The following LEKR1 variants were observed in gnomAD, a reference collection of about 807,000 sequenced individuals.
LEKR1 encodes the protein leucine, glutamate and lysine rich 1, also known as protein LEKR1.
A neutral mutation model predicts 72.4 loss-of-function variants in LEKR1; 59 were observed. The ratio of observed to expected loss-of-function variants is 0.82; its 90% CI spans 0.66 to 1.01. The LOEUF is 1.01. LEKR1 is among the 50% of genes least tolerant of loss of function. LEKR1 has a pLI of 0.00. For missense variants in LEKR1, 728 were observed against 759.2 expected (o/e 0.96, Z 0.48); for synonymous variants, 257 against 263.2 (o/e 0.98, Z 0.23).
rs1729960700 is a variant in LEKR1 at position 156,979,179 on chromosome 3, A to G, written c.746-15A>G. ...AAAATGTACTAATCAGATGAAATAC[A>G]TTGTGTCATTTCAGATTTACAATGT... On this transcript the variant is annotated splice_polypyrimidine_tract_variant and intron_variant, in intron 6 of 12. Coordinates refer to ENST00000356539, the MANE Select transcript of LEKR1 (RefSeq NM_001004316.3). The G allele has an allele frequency of 3.7e-5, 43 of 1,173,898 alleles. No homozygotes were observed. The highest frequency in any genetic ancestry group is 4.9e-5 in the Non-Finnish European group (43 of 881,760). The allele number at this position is 1,173,898 out of a possible 1,614,324, so 72.7% of individuals were successfully genotyped here.
chr3:156,856,288 G>A (rs1026438665), intron 3 of LEKR1, among the ~76,000 whole-genome samples: 1 of 151,998 alleles, frequency 6.6e-6, no homozygotes, highest in Admixed American at 6.6e-5. Flanking sequence ...ATTTCTGGAC[G>A]GTCTGTTTTG....
At chr3:156,912,336 GA>G (rs1276745831) in intron 3 of LEKR1, among the ~76,000 whole-genome samples, 1 of 152,098 alleles carries the variant, frequency 6.6e-6, no homozygotes, top group Non-Finnish European at 1.5e-5. Context: ...TAGCCACTGG[GA>G]TAATATTCCA....
At chr3:156,934,627 A>G (rs1387040310) in intron 5 of LEKR1, among the ~76,000 whole-genome samples, 1 of 152,188 alleles carries the variant, frequency 6.6e-6, no homozygotes, top group African/African-American at 2.4e-5. Flanking sequence ...CCCAAATTCA[A>G]AAGGCTTTAA....
chr3:156,953,663 C>A (rs1198734879), intron 6 of LEKR1, among the ~76,000 whole-genome samples: 1 of 151,932 alleles, frequency 6.6e-6, no homozygotes, highest in Non-Finnish European at 1.5e-5. Flanking sequence ...ATAACAGCTT[C>A]CAGATCCATC....
At chr3:156,886,795 C>T (rs1167664134) in intron 3 of LEKR1, among the ~76,000 whole-genome samples, 1 of 152,220 alleles carries the variant, frequency 6.6e-6, no homozygotes, top group Non-Finnish European at 1.5e-5. Context: ...ACCTGTTTTG[C>T]AGTTTGTCGC....
chr3:157,023,491 TC>T (rs1733978493), intron 10 of LEKR1, among the ~76,000 whole-genome samples: 2 of 152,156 alleles, frequency 1.3e-5, no homozygotes, highest in Admixed American at 1.3e-4. Context: ...CACCCAGCAG[TC>T]AGTCATTTAG....
At chr3:156,877,929 T>A (rs1383107939) in intron 3 of LEKR1, among the ~76,000 whole-genome samples, 1 of 151,984 alleles carries the variant, frequency 6.6e-6, no homozygotes, top group South Asian at 2.1e-4. Context: ...ATTCCAGGTG[T>A]GCACCACCAC....
chr3:157,037,874 A>G (rs967718759), intron 12 of LEKR1, among the ~76,000 whole-genome samples: 1 of 152,168 alleles, frequency 6.6e-6, no homozygotes, highest in African/African-American at 2.4e-5. Flanking sequence ...AAGGTAATAG[A>G]AAGACTCTGC....
intron 9 of LEKR1, among the ~76,000 whole-genome samples, chr3:156,995,608 G>A (rs1731499483): frequency 6.6e-6 from 1 of 152,184 alleles, no homozygotes; most frequent in South Asian, 2.1e-4. Flanking sequence ...AAGGCAGGCA[G>A]ATCACTTGAG....
intron 7 of LEKR1, among the ~76,000 whole-genome samples, chr3:156,980,205 A>G (rs911715387): frequency 1.3e-5 from 2 of 152,198 alleles, no homozygotes; most frequent in South Asian, 2.1e-4. Context: ...TCATAAAAAC[A>G]TAAATATTTA....
intron 11 of LEKR1, among the ~76,000 whole-genome samples, chr3:157,027,559 T>A (rs1263858937): frequency 6.6e-6 from 1 of 152,100 alleles, no homozygotes; most frequent in Non-Finnish European, 1.5e-5. Flanking sequence ...CTCACAGCTG[T>A]AATCCCAGCA....
chr3:156,879,555 A>G (rs1719035939), intron 3 of LEKR1, among the ~76,000 whole-genome samples: 1 of 152,262 alleles, frequency 6.6e-6, no homozygotes. Context: ...GGAGAAATTC[A>G]AGCCAGCTAC....
chr3:156,878,479 G>T (rs533664960), intron 3 of LEKR1, among the ~76,000 whole-genome samples: 8 of 152,090 alleles, frequency 5.3e-5, no homozygotes, highest in Non-Finnish European at 1.2e-4. Context: ...TTCCACTGTG[G>T]CCTGAGAGGA....
chr3:156,892,166 G>A (rs1230886989), intron 3 of LEKR1, among the ~76,000 whole-genome samples: 4 of 152,276 alleles, frequency 2.6e-5, no homozygotes, highest in African/African-American at 9.6e-5. Context: ...AAGAAAGGCA[G>A]GTGGGTAGGA....
intron 12 of LEKR1, among the ~76,000 whole-genome samples, chr3:157,033,916 T>C (rs953539521): frequency 5.9e-5 from 9 of 152,162 alleles, no homozygotes; most frequent in Non-Finnish European, 1.2e-4. Context: ...CCAAAAATCC[T>C]AACACCCTTA....
At chr3:157,022,170 G>A (rs1314209073) in intron 10 of LEKR1, among the ~76,000 whole-genome samples, 3 of 152,180 alleles carry the variant, frequency 2.0e-5, no homozygotes, top group Non-Finnish European at 2.9e-5. Flanking sequence ...ACTGGCATGA[G>A]ACTGTTTTCA....
intron 5 of LEKR1, among the ~76,000 whole-genome samples, chr3:156,933,511 A>G (rs1452911292): frequency 6.6e-6 from 1 of 152,178 alleles, no homozygotes; most frequent in African/African-American, 2.4e-5. Context: ...TGAGGTATTC[A>G]TATAAAAGAT....
intron 6 of LEKR1, among the ~76,000 whole-genome samples, chr3:156,943,631 G>A (rs900805757): frequency 3.3e-5 from 5 of 151,838 alleles, no homozygotes; most frequent in Non-Finnish European, 5.9e-5. Flanking sequence ...AGTGGGAAGG[G>A]TGAGATAGAA....
intron 6 of LEKR1, among the ~76,000 whole-genome samples, chr3:156,966,630 G>T (rs1162407175): frequency 1.3e-5 from 2 of 152,184 alleles, no homozygotes; most frequent in Non-Finnish European, 2.9e-5. Flanking sequence ...AAGCAGCCAG[G>T]AAGCTCAAAC....
Sources: gnomAD v4.1 joint callset for allele counts (sites outside exome capture counted in the v4.1 genomes callset) on GRCh38, gnomAD v4.1.1 for gene constraint, MANE v1.5 for transcripts, NCBI Gene and HGNC (gene_info 2026-07-23, HGNC 2026-07-21) for gene names.